CAPN13: variants seen among roughly 807,000 people sequenced by gnomAD.
CAPN13 encodes calpain-13.
CAPN13 carries 90 observed loss-of-function variants against 98.4 expected under a neutral mutation model. That is an observed-to-expected ratio of 0.92 (90% CI 0.77 to 1.09). The LOEUF is 1.09. Among genes scored for constraint, CAPN13 ranks in the 50% least tolerant of loss-of-function variants. The pLI is 0.00. For synonymous variants in CAPN13, 330 were observed against 305.5 expected, an observed-to-expected ratio of 1.08 and a Z score of -0.84; for missense variants, 887 against 841.3, an observed-to-expected ratio of 1.05 and a Z score of -0.67.
chr2:30,747,256 C>T (rs1038462780), intron 11 of CAPN13, among the ~76,000 whole-genome samples: 1 of 151,802 alleles, frequency 6.6e-6, no homozygotes, highest in Non-Finnish European at 1.5e-5. Context: ...GCTGGGCTCC[C>T]TATTTTATGG....
chr2:30,736,112 G>C (rs1043513250), intron 18 of CAPN13, among the ~76,000 whole-genome samples: 11 of 151,986 alleles, frequency 7.2e-5, no homozygotes, highest in African/African-American at 2.7e-4. Context: ...AGGAACAATG[G>C]GGAGGCCACA....
In CAPN13 at chr2:30,787,302, T is replaced by C. The variant is rs762782307; in HGVS notation, c.24A>G (p.Ser8=). 3 of 1,613,050 alleles carry C rather than the reference T, an allele frequency of 1.9e-6. No individual in the cohort carries two copies. The highest frequency in any genetic ancestry group is 4.5e-5 in the East Asian group (2 of 44,864). MAYYQEP[S]VETSIIKFKD... ...TGAACTTGATGATGGAGGTCTCCAC[T>C]GAAGGCTCCTGGTAATACGCCATGA... Residue 8 remains serine (S), a synonymous_variant, in exon 2 of 23, where the codon TCA becomes TCG. Transcript: ENST00000295055.
chr2:30,738,840 T>C (rs1671513532), intron 15 of CAPN13, among the ~76,000 whole-genome samples: 1 of 151,516 alleles, frequency 6.6e-6, no homozygotes, highest in African/African-American at 2.4e-5. Context: ...AGAAAGAGAC[T>C]AGGAAAAACT....
chr2:30,803,177 T>G (rs980214668), intron 1 of CAPN13, among the ~76,000 whole-genome samples: 2 of 151,866 alleles, frequency 1.3e-5, no homozygotes, highest in Admixed American at 1.3e-4. Context: ...AGGATTAGAG[T>G]GGGGAGAAAA....
intron 1 of CAPN13, among the ~76,000 whole-genome samples, chr2:30,806,810 A>G (rs1675656836): frequency 6.6e-6 from 1 of 152,218 alleles, no homozygotes; most frequent in Admixed American, 6.5e-5. Flanking sequence ...CAGAGTTGTC[A>G]ACTTCATTCC....
At chr2:30,762,081 A>C (rs780639460) in intron 7 of CAPN13, among the ~76,000 whole-genome samples, 4 of 152,214 alleles carry the variant, frequency 2.6e-5, no homozygotes, top group Non-Finnish European at 5.9e-5. Flanking sequence ...AAACCATCCC[A>C]TAGCCAGGAA....
chr2:30,792,569 G>T (rs759532000), intron 1 of CAPN13, among the ~76,000 whole-genome samples: 1 of 151,994 alleles, frequency 6.6e-6, no homozygotes, highest in Non-Finnish European at 1.5e-5. Context: ...ACTATCCAAA[G>T]CTTTCTCCAG....
chr2:30,801,465 C>A (rs999695473), intron 1 of CAPN13, among the ~76,000 whole-genome samples: 3 of 151,676 alleles, frequency 2.0e-5, no homozygotes, highest in Admixed American at 6.6e-5. Flanking sequence ...ACTAGCTGGG[C>A]GTGGTGGTGT....
intron 7 of CAPN13, among the ~76,000 whole-genome samples, chr2:30,759,860 G>T (rs561995): frequency 0.6 from 91,134 of 152,068 alleles, 27,724 homozygotes; most frequent in African/African-American, 0.7. Context: ...CCCATGCTCA[G>T]CAGTGGGGCA....
intron 3 of CAPN13, among the ~76,000 whole-genome samples, chr2:30,776,887 G>A (rs1051497625): frequency 6.6e-6 from 1 of 152,196 alleles, no homozygotes; most frequent in Non-Finnish European, 1.5e-5. Flanking sequence ...ACCCTTGGCT[G>A]GTGGCCAGGC....
chr2:30,767,508 C>A (rs1229731209), intron 5 of CAPN13, among the ~76,000 whole-genome samples: 1 of 152,190 alleles, frequency 6.6e-6, no homozygotes, highest in East Asian at 1.9e-4. Flanking sequence ...ACTGGTCTCC[C>A]CGTTTTTACA....
chr2:30,761,558 G>C (rs1203802749), intron 7 of CAPN13, among the ~76,000 whole-genome samples: 1 of 152,140 alleles, frequency 6.6e-6, no homozygotes, highest in Non-Finnish European at 1.5e-5. Context: ...TCTCCCCTGT[G>C]TTCAGAGGAG....
At chr2:30,758,912 C>T (rs1373697862) in intron 7 of CAPN13, among the ~76,000 whole-genome samples, 1 of 145,640 alleles carries the variant, frequency 6.9e-6, no homozygotes, top group Non-Finnish European at 1.5e-5. Flanking sequence ...CTCGTCTTCC[C>T]TTCTTTCTTT....
chr2:30,743,807 G>C, intron 12 of CAPN13: 2 of 658,668 alleles, frequency 3.0e-6, no homozygotes. Flanking sequence ...ACCACACACA[G>C]TTTCATCTCA....
chr2:30,747,895 G>T (rs1258420294), intron 11 of CAPN13, among the ~76,000 whole-genome samples: 2 of 152,256 alleles, frequency 1.3e-5, no homozygotes, highest in African/African-American at 4.8e-5. Flanking sequence ...GGGTCTGAGA[G>T]TTCCTTCAGC....
intron 3 of CAPN13, among the ~76,000 whole-genome samples, chr2:30,776,777 T>C (rs1178439328): frequency 6.6e-6 from 1 of 152,114 alleles, no homozygotes; most frequent in Non-Finnish European, 1.5e-5. Context: ...CAATTTGTCT[T>C]TGAATGCCAT....
Position 30,770,382 on chromosome 2 carries a change from C to T in CAPN13, c.455G>A (p.Cys152Tyr), listed in dbSNP as rs1673339201. The stretch of plus-strand genomic sequence containing the variant: ...TTGGTGGCGAGGACGCACAAAGAGG[C>T]ATTTATCTCCCTGGACAGGTAGGCG... ...DDRLPVQGDK[C>Y]LFVRPRHQNQ... Residue 152 changes from cysteine to tyrosine, a missense_variant, in exon 5 of 23, where the codon TGC (cysteine) becomes TAC (tyrosine). By Grantham distance (194) the Cys-to-Tyr change is radical. Coordinates refer to ENST00000295055, the MANE Select transcript of CAPN13 (RefSeq NM_144575.3). 1 of 1,614,014 alleles carries T rather than the reference C, an allele frequency of 6.2e-7. No individual in the cohort carries two copies. Among genetic ancestry groups the T allele is most frequent in the Admixed American group, 1.7e-5 (1 of 60,030 alleles).
Position 30,725,588 on chromosome 2 carries a change from G to C in CAPN13, c.*31-2352C>G, listed in dbSNP as rs1234633072. 4.6e-5 allele frequency among the ~76,000 whole-genome samples: 7 copies of C among 152,194 alleles called. No individual in the cohort carries two copies. The East Asian group carries it at 1.3e-3, about 29-fold the overall frequency. ...CCAATAACCCTCATCTCTGGGAGAA[G>C]CTCGCTTAACTCAGGACAAAGACTT... is the stretch of plus-strand genomic sequence containing the variant. On this transcript the variant is annotated intron_variant, in intron 22 of 22. Coordinates refer to ENST00000295055, the MANE Select transcript of CAPN13 (RefSeq NM_144575.3).
intron 13 of CAPN13, chr2:30,743,091 ACGTGTCATTTCC>A: frequency 2.3e-6 from 1 of 435,582 alleles, no homozygotes; most frequent in Non-Finnish European, 4.1e-6. Flanking sequence ...AGCCCAGCTC[ACGTGTCATTTCC>A]CTCAAGAAGC....
Sources: gnomAD v4.1 joint callset for allele counts (sites outside exome capture counted in the v4.1 genomes callset) on GRCh38, gnomAD v4.1.1 for gene constraint, MANE v1.5 for transcripts, NCBI Gene and HGNC (gene_info 2026-07-23, HGNC 2026-07-21) for gene names.